Variants in PRKCA observed in about 807,000 individuals in gnomAD.
PRKCA encodes protein kinase C alpha, also known as protein kinase C alpha type.
Under a neutral mutation model 87.0 loss-of-function variants are expected in PRKCA, and 27 were observed. The observed-to-expected ratio is 0.31, with a 90% CI of 0.23 to 0.43. The LOEUF (loss-of-function observed/expected upper bound fraction) is 0.43, where lower values mean the gene tolerates loss of function less well. PRKCA is among the 20% of genes least tolerant of loss of function. The pLI is 1.00. For synonymous variants in PRKCA, 329 were observed against 311.1 expected, an observed-to-expected ratio of 1.06 and a Z score of -0.61; for missense variants, 518 against 852.3, an observed-to-expected ratio of 0.61 and a Z score of 4.88.
chr17:66,508,746 G>T (rs1917085778), intron 3 of PRKCA, among the ~76,000 whole-genome samples: 1 of 152,148 alleles, frequency 6.6e-6, no homozygotes, highest in African/African-American at 2.4e-5. Flanking sequence ...CACTGTCTTT[G>T]TGAAGGCCTT....
intron 3 of PRKCA, among the ~76,000 whole-genome samples, chr17:66,630,563 T>C (rs563692019): frequency 6.6e-6 from 1 of 152,356 alleles, no homozygotes; most frequent in East Asian, 1.9e-4. Context: ...GCCATGAGAA[T>C]GGCATGTCCC....
chr17:66,466,563 A>C (rs1417795699), intron 2 of PRKCA, among the ~76,000 whole-genome samples: 1 of 152,212 alleles, frequency 6.6e-6, no homozygotes, highest in African/African-American at 2.4e-5. Flanking sequence ...TCTTGGCAAA[A>C]TACCATTTAA....
chr17:66,509,833 C>G (rs1371031145), intron 3 of PRKCA, among the ~76,000 whole-genome samples: 2 of 152,148 alleles, frequency 1.3e-5, no homozygotes, highest in Non-Finnish European at 2.9e-5. Context: ...TTATTCATCT[C>G]TGTATCCCCA....
chr17:66,722,677 G>A (rs541965918), intron 8 of PRKCA, among the ~76,000 whole-genome samples: 3 of 152,284 alleles, frequency 2.0e-5, no homozygotes, highest in African/African-American at 4.8e-5. Context: ...AATGAGGAGG[G>A]AACACTGCCT....
rs879041600 is a variant in PRKCA at position 66,735,560 on chromosome 17, T to G, written c.1128T>G (p.Ile376Met). 5 of 1,614,008 alleles carry G rather than the reference T, an allele frequency of 3.1e-6. No homozygotes were observed. Among genetic ancestry groups the G allele is most frequent in the Non-Finnish European group, 4.2e-6 (5 of 1,180,038 alleles). The change falls in exon 10 of 17, where the codon ATT becomes ATG. Residue 376 changes from isoleucine to methionine, a missense_variant. Transcript: ENST00000413366. ...AIKILKKDVV[I>M]QDDDVECTMV... is the part of the protein sequence containing the mutation. ...AAATCCTGAAGAAGGATGTGGTGAT[T>G]CAGGATGATGACGTGGAGTGCACCA... is the stretch of plus-strand genomic sequence containing the variant.
chr17:66,414,172 A>G (rs4533321), intron 2 of PRKCA, among the ~76,000 whole-genome samples: 20,988 of 152,110 alleles, frequency 0.14, 1,680 homozygotes, highest in East Asian at 0.28. Flanking sequence ...CCCACATCTC[A>G]TAGGAATTGT....
intron 2 of PRKCA, among the ~76,000 whole-genome samples, chr17:66,461,847 T>A (rs2143968672): frequency 6.6e-6 from 1 of 150,552 alleles, no homozygotes; most frequent in Admixed American, 6.6e-5. Context: ...AATGGGTGTA[T>A]AGGCACTGGG....
chr17:66,766,347 G>T (rs1974811081), intron 13 of PRKCA, among the ~76,000 whole-genome samples: 1 of 148,412 alleles, frequency 6.7e-6, no homozygotes, highest in South Asian at 2.1e-4. Context: ...CAGAAACAGG[G>T]CTCCCACACC....
At chr17:66,749,405 T>A (rs1974380601) in intron 13 of PRKCA, among the ~76,000 whole-genome samples, 1 of 152,114 alleles carries the variant, frequency 6.6e-6, no homozygotes, top group Non-Finnish European at 1.5e-5. Flanking sequence ...CCACCCAGCA[T>A]GTCCCACCCC....
chr17:66,735,657 A>T lies in PRKCA; in HGVS notation c.1225A>T (p.Thr409Ser). 1.2e-6 allele frequency: 2 copies of T among 1,613,844 alleles called. No homozygotes were observed. Among genetic ancestry groups the T allele is most frequent in the Non-Finnish European group, 1.7e-6 (2 of 1,179,888 alleles). Reference protein sequence around the residue: ...FLTQLHSCFQTVDRLYFVMEY... With the variant: ...FLTQLHSCFQSVDRLYFVMEY... ...GACGCAGCTGCACTCCTGCTTCCAGACAGTGGTAAGGACCCTGGGAATCCC... is the reference window on the plus strand; with the variant it reads ...GACGCAGCTGCACTCCTGCTTCCAGTCAGTGGTAAGGACCCTGGGAATCCC... The change falls in exon 10 of 17, where the codon ACA becomes TCA. Residue 409 changes from threonine to serine, a missense_variant. By Grantham distance (58) the Thr-to-Ser change is moderately conservative (BLOSUM62 1). Around this residue, in one of 5 missense-constraint regions of PRKCA, gnomAD observed 300 missense variants for 496.8 expected, o/e 0.60. Transcript: ENST00000413366.
At chr17:66,382,656 G>A (rs958179065) in intron 2 of PRKCA, among the ~76,000 whole-genome samples, 13 of 152,134 alleles carry the variant, frequency 8.5e-5, no homozygotes, top group African/African-American at 3.1e-4. Flanking sequence ...AAAATAGGGA[G>A]TAGACAAAAG....
chr17:66,554,774 C>T (rs944917828), intron 3 of PRKCA, among the ~76,000 whole-genome samples: 2 of 152,122 alleles, frequency 1.3e-5, no homozygotes, highest in African/African-American at 4.8e-5. Context: ...AGGAATGGAT[C>T]AGCCAGTTGG....
chr17:66,515,560 G>T lies in PRKCA; in HGVS notation c.288+19277G>T, dbSNP rs369058867. ...TGTGAGTTTTTCTTTTTTTGCGGGGGGTAGGGTGTCTCACTCCTTTTGCCC... is the reference window on the plus strand; with the variant it reads ...TGTGAGTTTTTCTTTTTTTGCGGGGTGTAGGGTGTCTCACTCCTTTTGCCC... On this transcript the variant is annotated intron_variant, in intron 3 of 16. Transcript: ENST00000413366. Among the ~76,000 whole-genome samples the T allele has an allele frequency of 1.3e-4, 20 of 152,022 alleles. No homozygotes were observed. The East Asian group carries it at 3.3e-3, about 25-fold the overall frequency.
intron 5 of PRKCA, among the ~76,000 whole-genome samples, chr17:66,669,782 G>T (rs1471920964): frequency 1.3e-5 from 2 of 152,106 alleles, no homozygotes; most frequent in Non-Finnish European, 2.9e-5. Flanking sequence ...GGCGCCTGTA[G>T]TCCCAGCTAC....
chr17:66,542,423 G>C (rs1598753572), intron 3 of PRKCA, among the ~76,000 whole-genome samples: 1 of 152,108 alleles, frequency 6.6e-6, no homozygotes, highest in South Asian at 2.1e-4. Flanking sequence ...TCGCACATGA[G>C]AGTACCAGGT....
intron 3 of PRKCA, among the ~76,000 whole-genome samples, chr17:66,590,492 C>A (rs1271053544): frequency 6.6e-6 from 1 of 152,148 alleles, no homozygotes; most frequent in African/African-American, 2.4e-5. Context: ...CACAGTACTC[C>A]CAATGCCGTC....
intron 2 of PRKCA, among the ~76,000 whole-genome samples, chr17:66,361,763 A>G (rs1486063566): frequency 6.6e-6 from 1 of 152,256 alleles, no homozygotes; most frequent in African/African-American, 2.4e-5. Flanking sequence ...CAAGTAAATC[A>G]GATGTACTTG....
rs146921301 is a variant in PRKCA, at chr17:66,368,958, C to T, written c.205+62831C>T. On this transcript the variant is annotated intron_variant, in intron 2 of 16. Transcript: ENST00000413366. ...GCTTTTAGTTTCGTAATCTGTAGAT[C>T]GTGAGGGGGGTTGACTCCATGATTC... 4.9e-4 allele frequency among the ~76,000 whole-genome samples: 74 copies of T among 152,244 alleles called. No individual in the cohort carries two copies. In the East Asian group the frequency reaches 8.5e-3, roughly 17 times the overall value.
At chr17:66,754,889 C>G (rs1425173456) in intron 13 of PRKCA, among the ~76,000 whole-genome samples, 1 of 152,044 alleles carries the variant, frequency 6.6e-6, no homozygotes, top group South Asian at 2.1e-4. Context: ...CAGGGCCCCA[C>G]CTTGATGAGT....
Sources: allele counts gnomAD v4.1 joint callset (sites outside exome capture counted in the v4.1 genomes callset), GRCh38; gene constraint gnomAD v4.1.1; regional missense constraint gnomAD v4.1.1; transcripts MANE v1.5; gene names NCBI Gene and HGNC (gene_info 2026-07-23, HGNC 2026-07-21).